Variants in CCNB1 observed in about 807,000 individuals in gnomAD.
The protein encoded by CCNB1 is cyclin B1.
Under a neutral mutation model 44.4 loss-of-function variants are expected in CCNB1, and 26 were observed. The observed-to-expected ratio is 0.59, with a 90% CI of 0.43 to 0.81. CCNB1 has a LOEUF of 0.81. Among genes scored for constraint, CCNB1 ranks in the 40% least tolerant of loss-of-function variants. CCNB1 has a pLI of 0.00. For missense variants in CCNB1, 477 were observed against 520.9 expected (o/e 0.92, Z 0.82); for synonymous variants, 195 against 181.4 (o/e 1.08, Z -0.60).
rs898864873 is a variant in CCNB1, at chr5:69,175,076, C to T, written c.905C>T (p.Pro302Leu). 1 of 1,613,910 alleles carries T rather than the reference C, an allele frequency of 6.2e-7. No homozygotes were observed. The highest frequency in any genetic ancestry group is 8.5e-7 in the Non-Finnish European group (1 of 1,179,932). ...AACTTTGGTCTGGGTCGGCCTCTAC[C>T]TTTGCACTTCCTTCGGAGAGCATCT... ...ALNFGLGRPL[P>L]LHFLRRASKI... Residue 302 changes from proline (P) to leucine (L), a missense_variant, in exon 6 of 9, where the codon CCT (proline) becomes CTT (leucine). Transcript: ENST00000256442.
chr5:69,171,535 G>A, intron 4 of CCNB1, 83 bp downstream of exon 4: 2 of 985,400 alleles, frequency 2.0e-6, no homozygotes, highest in Non-Finnish European at 3.0e-6. Context: ...AATAATACAA[G>A]CAGGACGTGG....
rs770587603 is a variant in CCNB1 at position 69,168,044 on chromosome 5, G to T, written c.158G>T (p.Ser53Ile). 6 of 1,614,140 alleles carry T rather than the reference G, an allele frequency of 3.7e-6. No homozygotes were observed. Among genetic ancestry groups the T allele is most frequent in the Non-Finnish European group, 5.1e-6 (6 of 1,180,014 alleles). The change falls in exon 2 of 9, where the codon AGT becomes ATT. Residue 53 changes from serine to isoleucine, a missense_variant. Ser to Ile is a moderately radical substitution (Grantham distance 142). Transcript: ENST00000256442. ...TALGDIGNKV[S>I]EQLQAKMPMK... is the part of the protein sequence containing the mutation. ...CTTGGGGACATTGGTAACAAAGTCAGTGAACAACTGCAGGCCAAAATGCCT... is the reference window on the plus strand; with the variant it reads ...CTTGGGGACATTGGTAACAAAGTCATTGAACAACTGCAGGCCAAAATGCCT...
chr5:69,172,561 GTTGTTTCTAATGTGTTGT>G (rs1382527501), intron 4 of CCNB1, among the ~76,000 whole-genome samples: 1 of 151,778 alleles, frequency 6.6e-6, no homozygotes, highest in Non-Finnish European at 1.5e-5. Flanking sequence ...CCAGCCCCCA[GTTGTTTCTAATGTGTTGT>G]CTTATGTCAT....
At chr5:69,171,487 A>G (rs1458234987) in intron 4 of CCNB1, 35 bp downstream of exon 4, 9 of 1,429,648 alleles carry the variant, frequency 6.3e-6, no homozygotes, top group South Asian at 2.6e-5. Flanking sequence ...TCTAAACTGC[A>G]TCTAACTTTA....
chr5:69,171,361 C>G lies in CCNB1; in HGVS notation c.455C>G (p.Ala152Gly). ...CAGGCTTTCTCTGATGTAATTCTTG[C>G]AGTAAATGATGTGGATGCAGAAGAT... ...LCQAFSDVIL[A>G]VNDVDAEDGA... The change falls in exon 4 of 9, where the codon GCA (alanine) becomes GGA (glycine). Residue 152 changes from alanine (A) to glycine (G), a missense_variant. Transcript: ENST00000256442. 1 of 1,613,782 alleles carries G rather than the reference C, an allele frequency of 6.2e-7. No homozygotes were observed. Among genetic ancestry groups the G allele is most frequent in the East Asian group, 2.2e-5 (1 of 44,870 alleles).
At chr5:69,169,866 G>A (rs922726043) in intron 3 of CCNB1, among the ~76,000 whole-genome samples, 3 of 151,982 alleles carry the variant, frequency 2.0e-5, no homozygotes, top group Non-Finnish European at 4.4e-5. Flanking sequence ...TGGCCAGGCT[G>A]GTCTCGAACT....
In CCNB1 at chr5:69,168,285, A is replaced by T; in HGVS notation, c.305A>T (p.Glu102Val). The T allele has an allele frequency of 1.5e-5, 25 of 1,613,214 alleles. No individual in the cohort carries two copies. The highest frequency in any genetic ancestry group is 2.1e-5 in the Non-Finnish European group (25 of 1,179,640). Residue 102 changes from glutamate to valine, a missense_variant, in exon 3 of 9, where the codon GAA (glutamate) becomes GTA (valine). Coordinates refer to ENST00000256442, the MANE Select transcript of CCNB1 (RefSeq NM_031966.4). ...GTGTCTGAGCCAGTGCCAGAGCCAGAACCTGAGCCAGAACCTGAGCCTGTT... is the reference window on the plus strand; with the variant it reads ...GTGTCTGAGCCAGTGCCAGAGCCAGTACCTGAGCCAGAACCTGAGCCTGTT... ...VPVSEPVPEP[E>V]PEPEPEPVKE...
In CCNB1 at chr5:69,178,231, TACTC is replaced by T. The variant is rs1413016948; in HGVS notation, c.*602_*605del. On this transcript the variant is annotated 3_prime_UTR_variant, in exon 9 of 9. Coordinates refer to ENST00000256442, the MANE Select transcript of CCNB1 (RefSeq NM_031966.4). ...TTTTGTGTTTTGGTTAATAAAACAA[TACTC>T]AAATACAAAAGGTATCTTTTTTAAA... 1 of 152,210 alleles carries T rather than the reference TACTC, an allele frequency of 6.6e-6. No individual in the cohort carries two copies. The allele number at this position is 152,210 out of a possible 1,614,324, so 9.4% of individuals were successfully genotyped here. A position where few individuals can be genotyped will look rare whatever the true frequency, so the allele number is the denominator to read the frequency against.
chr5:69,177,328 T>C lies in CCNB1; in HGVS notation c.1173T>C (p.Asn391=). 1 of 1,609,696 alleles carries C rather than the reference T, an allele frequency of 6.2e-7. No homozygotes were observed. The highest frequency in any genetic ancestry group is 8.5e-7 in the Non-Finnish European group (1 of 1,176,024). The change falls in exon 8 of 9, where the codon AAT becomes AAC. Residue 391 remains asparagine, a synonymous_variant. Transcript: ENST00000256442. ...QHLAKNVVMV[N]QGLTKHMTVK... is the part of the protein sequence containing the mutation. ...TGGCTAAGAATGTAGTCATGGTAAA[T>C]CAAGGACTTACAAAGCACATGGTGA...
chr5:69,172,408 C>T (rs1209791930), intron 4 of CCNB1, among the ~76,000 whole-genome samples: 1 of 152,054 alleles, frequency 6.6e-6, no homozygotes, highest in African/African-American at 2.4e-5. Flanking sequence ...AGGTGCCCAC[C>T]ACAACACCCA....
At chr5:69,168,523 T>C (rs1747391164) in intron 3 of CCNB1, among the ~76,000 whole-genome samples, 180 bp downstream of exon 3, 1 of 122,516 alleles carries the variant, frequency 8.2e-6, no homozygotes, top group South Asian at 3.1e-4. Context: ...ACACGTACTC[T>C]CTGAGGTATT....
At position 69,177,593 on chromosome 5, in the gene CCNB1, C is replaced by G. The variant is rs963383431; in HGVS notation, c.1264C>G (p.Leu422Val). The change falls in exon 9 of 9, where the codon CTA becomes GTA. Residue 422 changes from leucine (L) to valine (V), a missense_variant. Transcript: ENST00000256442. ...ISTLPQLNSA[L>V]VQDLAKAVAK... Reference sequence around the variant, plus strand: ...CACTCTACCACAGCTGAATTCTGCACTAGTTCAAGATTTAGCCAAGGCTGT... The same window carrying G: ...CACTCTACCACAGCTGAATTCTGCAGTAGTTCAAGATTTAGCCAAGGCTGT... The G allele has an allele frequency of 2.5e-6, 4 of 1,613,336 alleles. No homozygotes were observed. The highest frequency in any genetic ancestry group is 1.3e-5 in the African/African-American group (1 of 75,054).
intron 7 of CCNB1, among the ~76,000 whole-genome samples, chr5:69,176,019 GCACA>G (rs1422625765): frequency 9.8e-5 from 7 of 71,294 alleles, no homozygotes; most frequent in Non-Finnish European, 2.0e-4. Context: ...ATATATACAG[GCACA>G]CGCCTGTAGT....
chr5:69,170,831 T>G (rs1747443111), intron 3 of CCNB1, among the ~76,000 whole-genome samples: 1 of 152,194 alleles, frequency 6.6e-6, no homozygotes, highest in Non-Finnish European at 1.5e-5. Context: ...TTGCCCAGGC[T>G]AGTCTGGAAC....
In CCNB1 at chr5:69,168,452, A is replaced by C. The variant is rs778994670; in HGVS notation, c.363+109A>C. On this transcript the variant is annotated intron_variant, in intron 3 of 8. Transcript: ENST00000256442. ...ATAGTAATATTAATACCATTTATTG[A>C]GTGCTTAGCATGAGGCAAGCTCTGC... The C allele has an allele frequency of 4.2e-5, 55 of 1,310,060 alleles. No individual in the cohort carries two copies. The Admixed American group carries it at 6.1e-4, about 15-fold the overall frequency. 81.2% of individuals were successfully genotyped at this position (1,310,060 alleles called of 1,614,324 possible).
In CCNB1 at chr5:69,167,200, G is replaced by A; in HGVS notation, c.-63G>A. The A allele has an allele frequency of 2.0e-6, 3 of 1,467,550 alleles. No individual in the cohort carries two copies. Among genetic ancestry groups the A allele is most frequent in the South Asian group, 2.6e-5 (2 of 75,996 alleles). The allele number at this position is 1,467,550 out of a possible 1,614,324, so 90.9% of individuals were successfully genotyped here. Reference sequence around the variant, plus strand: ...GGTTTCTGCTGGGTGTAGGTCCTTGGCTGGTCGGGCCTCCGGTGTTCTGCT... The same window carrying A: ...GGTTTCTGCTGGGTGTAGGTCCTTGACTGGTCGGGCCTCCGGTGTTCTGCT... On this transcript the variant is annotated 5_prime_UTR_variant, in exon 1 of 9. Transcript: ENST00000256442.
chr5:69,171,453 G>A lies in CCNB1; in HGVS notation c.546+1G>A. The stretch of plus-strand genomic sequence containing the variant: ...TTATGCTTATCTGAGACAACTTGAG[G>A]TAAGTATTATCATTCGTTTTTTTTC... On this transcript the variant is annotated splice_donor_variant, in intron 4 of 8. Transcript: ENST00000256442. LOFTEE classifies it high-confidence loss of function. 6.3e-7 allele frequency: 1 copy of A among 1,590,340 alleles called. No individual in the cohort carries two copies. Among genetic ancestry groups the A allele is most frequent in the African/African-American group, 1.4e-5 (1 of 74,046 alleles).
At chr5:69,172,769 CTTTTTTTTTTT>C (rs922322066) in intron 4 of CCNB1, among the ~76,000 whole-genome samples, 10 of 96,846 alleles carry the variant, frequency 1.0e-4, no homozygotes, top group East Asian at 2.8e-4. Context: ...TGTGCTGTTT[CTTTTTTTTTTT>C]TTTTTTTTTT....
rs890699957 is a variant in CCNB1, at chr5:69,175,519, T to A, written c.1065T>A (p.Ile355=). The change falls in exon 7 of 9, where the codon ATT becomes ATA. Residue 355 remains isoleucine (I), a synonymous_variant. Coordinates refer to ENST00000256442, the MANE Select transcript of CCNB1 (RefSeq NM_031966.4). ...GAGCTTTTTGCTTAGCACTGAAAAT[T>A]CTGGATAATGGTGAATGGGTAAGCT... ...AAGAFCLALK[I]LDNGEWTPTL... 24 of 1,614,028 alleles carry A rather than the reference T, an allele frequency of 1.5e-5. No homozygotes were observed. Among genetic ancestry groups the A allele is most frequent in the Non-Finnish European group, 2.0e-5 (24 of 1,180,018 alleles).
Sources: gnomAD v4.1 joint callset for allele counts (sites outside exome capture counted in the v4.1 genomes callset) on GRCh38, gnomAD v4.1.1 for gene constraint, MANE v1.5 for transcripts, NCBI Gene and HGNC (gene_info 2026-07-23, HGNC 2026-07-21) for gene names.